FAHD2B: variants seen among roughly 807,000 people sequenced by gnomAD.
FAHD2B encodes oxaloacetate tautomerase FAHD2B, mitochondrial.
A neutral mutation model predicts 33.7 loss-of-function variants in FAHD2B; 26 were observed. The observed-to-expected ratio is 0.77, with a 90% confidence interval of 0.57 to 1.07. The LOEUF (loss-of-function observed/expected upper bound fraction) is 1.07, where lower values mean the gene tolerates loss of function less well. Among genes scored for constraint, FAHD2B ranks in the 50% least tolerant of loss-of-function variants. The probability of loss-of-function intolerance (pLI) is 0.00; values close to 1 mark genes in which losing one functional copy is unlikely to be tolerated. For synonymous variants in FAHD2B, 108 were observed against 150.9 expected (o/e 0.72, Z 2.08); for missense variants, 272 against 388.1 (o/e 0.70, Z 2.51).
At chr2:97,080,506 G>A (rs2031604818), downstream of FAHD2B, among the ~76,000 whole-genome samples, 1 of 151,986 alleles carries the variant, frequency 6.6e-6, no homozygotes, top group South Asian at 2.1e-4. Context: ...AGTATAGTTT[G>A]AAGTTGAAGA....
At chr2:97,085,647 G>A (rs1042807708) in intron 6 of FAHD2B, 52 bp downstream of exon 6, 2 of 1,606,406 alleles carry the variant, frequency 1.2e-6, no homozygotes, top group African/African-American at 2.7e-5. Flanking sequence ...TCCCTGGAGG[G>A]CTGTTCATCT....
At chr2:97,081,207 G>C (rs1197066350), downstream of FAHD2B, 1 of 1,487,844 alleles carries the variant, frequency 6.7e-7, no homozygotes, top group Non-Finnish European at 9.0e-7. Context: ...GCCAGATCCT[G>C]CTGCTGATGC....
chr2:97,084,311 CT>C (rs778903553), intron 6 of FAHD2B, 34 bp from the exon 7 acceptor site: 4 of 1,610,718 alleles, frequency 2.5e-6, no homozygotes, highest in Non-Finnish European at 3.4e-6. Flanking sequence ...GGAGTTATCC[CT>C]TTTCCCCCTC....
In FAHD2B at chr2:97,091,865, G is replaced by C; in HGVS notation, c.-9C>G. On this transcript the variant is annotated splice_region_variant and 5_prime_UTR_variant, in exon 2 of 9. Coordinates refer to ENST00000414820, the MANE Select transcript of FAHD2B (RefSeq NM_001320848.2). ...AGCGGTCCAGGCTTGTATTTTACCT[G>C]CTATACTTCATAAGGTGAAACTTTT... 1 of 1,144,236 alleles carries C rather than the reference G, an allele frequency of 8.7e-7. No individual in the cohort carries two copies. The highest frequency in any genetic ancestry group is 1.2e-6 in the Non-Finnish European group (1 of 828,072). The allele number at this position is 1,144,236 out of a possible 1,614,324, so 70.9% of individuals were successfully genotyped here. A position where few individuals can be genotyped will look rare whatever the true frequency, so the allele number is the denominator to read the frequency against.
intron 6 of FAHD2B, among the ~76,000 whole-genome samples, chr2:97,085,178 T>C (rs916546839): frequency 2.0e-5 from 3 of 151,274 alleles, no homozygotes; most frequent in African/African-American, 7.3e-5. Context: ...GGCTGGCCCA[T>C]GTGGACACCC....
chr2:97,093,270 T>C (rs1243805060), intron 1 of FAHD2B, among the ~76,000 whole-genome samples: 1 of 152,014 alleles, frequency 6.6e-6, no homozygotes, highest in African/African-American at 2.4e-5. Context: ...GTCACCACTG[T>C]TGTGGCCCGC....
At chr2:97,082,525 C>G, downstream of FAHD2B, 2 of 1,604,642 alleles carry the variant, frequency 1.2e-6, no homozygotes, top group Non-Finnish European at 1.7e-6. Flanking sequence ...GTGGCTGCTG[C>G]CCCCTGCCAG....
At chr2:97,094,226 T>A (rs144583521) in intron 1 of FAHD2B, among the ~76,000 whole-genome samples, 350 of 152,172 alleles carry the variant, frequency 2.3e-3, no homozygotes, top group Non-Finnish European at 4.1e-3. Flanking sequence ...CCATTGACTG[T>A]TCCCTTCCCA....
intron 4 of FAHD2B, 124 bp from the exon 5 acceptor site, chr2:97,086,322 C>A (rs905337643): frequency 2.0e-5 from 27 of 1,370,896 alleles, no homozygotes; most frequent in Admixed American, 1.3e-4. Flanking sequence ...TGCCATCACC[C>A]TGAACCAGAG....
rs527250687 is a variant in FAHD2B, at chr2:97,083,761, C to A, written c.939G>T (p.Val313=). Residue 313 remains valine, a synonymous_variant, in exon 9 of 9, where the codon GTG becomes GTT. Coordinates refer to ENST00000414820, the MANE Select transcript of FAHD2B (RefSeq NM_001320848.2). ...CGGGCCTGTGCAGGAGCCATCACACCACCTTGTTGATGATGACACCTAGTT... is the reference window on the plus strand; with the variant it reads ...CGGGCCTGTGCAGGAGCCATCACACAACCTTGTTGATGATGACACCTAGTT... The part of the protein sequence containing the change: ...IEELGVIINK[V]V 3.2e-5 allele frequency: 52 copies of A among 1,614,126 alleles called. No homozygotes were observed. The East Asian group carries it at 1.1e-3, about 35-fold the overall frequency.
At chr2:97,087,685 A>G (rs1013286434) in intron 4 of FAHD2B, among the ~76,000 whole-genome samples, 3 of 151,916 alleles carry the variant, frequency 2.0e-5, no homozygotes, top group African/African-American at 7.3e-5. Context: ...GGTGACAGAG[A>G]CTCCATCACA....
chr2:97,080,900 T>C (rs189392263), downstream of FAHD2B, among the ~76,000 whole-genome samples: 224 of 152,270 alleles, frequency 1.5e-3, no homozygotes, highest in Non-Finnish European at 9.8e-4. Flanking sequence ...GTTGTTGGTG[T>C]ATAGAAATGC....
downstream of FAHD2B, among the ~76,000 whole-genome samples, chr2:97,080,602 T>A (rs903984848): frequency 3.3e-5 from 5 of 151,444 alleles, no homozygotes; most frequent in African/African-American, 9.7e-5. Flanking sequence ...TTTTAAAATA[T>A]TTTTTTTTCT....
rs367909087 is a variant in FAHD2B, at chr2:97,083,848, C to A, written c.883-31G>T. On this transcript the variant is annotated intron_variant, in intron 8 of 8. Transcript: ENST00000414820. ...ACAGAGCAGGCCATGACGGTGTCAG[C>A]CCTTCCGTCAGACACATACACAAGC... 1.2e-4 allele frequency: 191 copies of A among 1,614,082 alleles called. 5 individuals are homozygous for A. The South Asian group carries it at 1.9e-3, about 16-fold the overall frequency.
intron 1 of FAHD2B, among the ~76,000 whole-genome samples, chr2:97,093,471 C>CTTTTT (rs34927915): frequency 4.3e-5 from 4 of 92,106 alleles, no homozygotes; most frequent in African/African-American, 1.5e-4. Context: ...TGATTTAATT[C>CTTTTT]TTTTTTTTTT....
At chr2:97,086,608 T>G (rs1182448253) in intron 4 of FAHD2B, 1 of 167,008 alleles carries the variant, frequency 6.0e-6, no homozygotes, top group Non-Finnish European at 1.3e-5. Context: ...AAGATTGACA[T>G]GCCACAAAGG....
At chr2:97,084,910 C>CA (rs11314789) in intron 6 of FAHD2B, among the ~76,000 whole-genome samples, 1,199 of 67,408 alleles carry the variant, frequency 0.018, 13 homozygotes, top group East Asian at 0.055. Flanking sequence ...AAGACCATGC[C>CA]AAAAAAAAAA....
At chr2:97,086,237 C>T (rs770798543) in intron 4 of FAHD2B, 39 bp from the exon 5 acceptor site, 159 of 1,604,246 alleles carry the variant, frequency 9.9e-5, no homozygotes, top group Non-Finnish European at 1.2e-4. Context: ...GCAGTGGCTT[C>T]GGGGCCCATT....
intron 4 of FAHD2B, among the ~76,000 whole-genome samples, chr2:97,087,325 TCAGGTGTGAGC>T (rs2153382813): frequency 6.6e-6 from 1 of 152,194 alleles, no homozygotes; most frequent in African/African-American, 2.4e-5. Flanking sequence ...TGCTGAGATT[TCAGGTGTGAGC>T]CAATGTGTCT....
Sources: allele counts gnomAD v4.1 joint callset (sites outside exome capture counted in the v4.1 genomes callset), GRCh38; gene constraint gnomAD v4.1.1; transcripts MANE v1.5; gene names NCBI Gene and HGNC (gene_info 2026-07-23, HGNC 2026-07-21).